KAZN: variants seen among roughly 807,000 people sequenced by gnomAD.
The protein encoded by KAZN is kazrin.
Under a neutral mutation model 87.4 loss-of-function variants are expected in KAZN, and 40 were observed. That is an observed-to-expected ratio of 0.46 (90% CI 0.36 to 0.60). The LOEUF is 0.60. KAZN is among the 20% of genes least tolerant of loss of function. The pLI is 0.00. For missense variants in KAZN, 898 were observed against 1,073.9 expected (o/e 0.84, Z 2.29); for synonymous variants, 466 against 458.3 (o/e 1.02, Z -0.22).
chr1:15,071,321 G>A (rs930195619), intron 8 of KAZN, among the ~76,000 whole-genome samples: 1 of 151,750 alleles, frequency 6.6e-6, no homozygotes, highest in African/African-American at 2.4e-5. Flanking sequence ...GCGCGATCTC[G>A]GCTCACTGCA....
intron 8 of KAZN, chr1:15,067,446 G>T (rs1181231859): frequency 1.0e-6 from 1 of 985,342 alleles, no homozygotes; most frequent in East Asian, 1.1e-4. Context: ...GAGGATGTGT[G>T]AGCTGTTCAG....
chr1:14,482,704 G>A (rs1669147427), intron 2 of KAZN, among the ~76,000 whole-genome samples: 1 of 152,110 alleles, frequency 6.6e-6, no homozygotes, highest in African/African-American at 2.4e-5. Context: ...CCCTGTGGTA[G>A]AGATTCAGGA....
chr1:13,933,611 G>A (rs12032457), intron 1 of KAZN, among the ~76,000 whole-genome samples: 2,488 of 152,294 alleles, frequency 0.016, 64 homozygotes, highest in African/African-American at 0.055. Context: ...AGACCTTGTG[G>A]GCATAGCTAT....
chr1:15,055,972 A>G (rs1456223955), intron 4 of KAZN, 119 bp from the exon 5 acceptor site: 17 of 965,142 alleles, frequency 1.8e-5, no homozygotes, highest in Non-Finnish European at 2.7e-5. Context: ...ATGCCGAGCC[A>G]GCAATACCCG....
intron 2 of KAZN, among the ~76,000 whole-genome samples, chr1:14,328,452 C>G (rs1005888056): frequency 6.6e-6 from 1 of 151,956 alleles, no homozygotes; most frequent in African/African-American, 2.4e-5. Context: ...GCCTGTAATC[C>G]CAACAGTTTG....
chr1:14,570,959 T>G (rs1571956741), intron 2 of KAZN, among the ~76,000 whole-genome samples: 1 of 152,162 alleles, frequency 6.6e-6, no homozygotes. Flanking sequence ...CTACCTGAAT[T>G]TCTCATCTGC....
intron 1 of KAZN, among the ~76,000 whole-genome samples, chr1:14,639,726 T>G (rs1680278000): frequency 1.3e-5 from 2 of 152,174 alleles, no homozygotes; most frequent in Admixed American, 1.3e-4. Flanking sequence ...GACTTGTAGA[T>G]GGACTGCAGT....
chr1:14,946,342 CTT>C (rs61663690), intron 1 of KAZN, among the ~76,000 whole-genome samples: 15,494 of 136,766 alleles, frequency 0.11, 2,697 homozygotes, highest in African/African-American at 0.39. Flanking sequence ...TTAATTCTCT[CTT>C]TTTTTTTTTT....
chr1:14,886,978 T>C (rs759790845), intron 1 of KAZN, among the ~76,000 whole-genome samples: 2 of 152,208 alleles, frequency 1.3e-5, no homozygotes, highest in Non-Finnish European at 2.9e-5. Flanking sequence ...TAGGTTCTCA[T>C]AAATACTTGT....
chr1:14,251,326 C>A (rs2100613399), intron 2 of KAZN, among the ~76,000 whole-genome samples: 1 of 152,296 alleles, frequency 6.6e-6, no homozygotes, highest in South Asian at 2.1e-4. Flanking sequence ...AGAAAGCTCT[C>A]AACCATTCCC....
intron 2 of KAZN, among the ~76,000 whole-genome samples, chr1:14,537,286 G>T (rs1032837039): frequency 6.6e-6 from 1 of 152,120 alleles, no homozygotes; most frequent in Non-Finnish European, 1.5e-5. Context: ...CCAGCAAAAC[G>T]TTGAGCAATG....
chr1:14,119,147 C>T (rs183782286), intron 1 of KAZN, among the ~76,000 whole-genome samples: 1 of 152,260 alleles, frequency 6.6e-6, no homozygotes, highest in Non-Finnish European at 1.5e-5. Context: ...TCAGCTCTAA[C>T]CCCTTTTTAA....
At chr1:14,639,095 C>T (rs972622181) in intron 1 of KAZN, among the ~76,000 whole-genome samples, 9 of 152,112 alleles carry the variant, frequency 5.9e-5, no homozygotes, top group East Asian at 1.9e-4. Context: ...TCTTTTCTTC[C>T]GTGCACCCTT....
chr1:14,749,118 G>T (rs927043410), intron 1 of KAZN, among the ~76,000 whole-genome samples: 1 of 152,138 alleles, frequency 6.6e-6, no homozygotes, highest in African/African-American at 2.4e-5. Flanking sequence ...ATAAATAAAC[G>T]TGGTCCACAT....
intron 1 of KAZN, among the ~76,000 whole-genome samples, chr1:13,978,731 A>G (rs1349574900): frequency 6.6e-6 from 1 of 152,154 alleles, no homozygotes; most frequent in African/African-American, 2.4e-5. Flanking sequence ...AGAGCTTAAG[A>G]GACAGGTAAG....
intron 1 of KAZN, among the ~76,000 whole-genome samples, chr1:13,932,361 T>G (rs12036453): frequency 1.4e-5 from 2 of 147,644 alleles, no homozygotes; most frequent in Non-Finnish European, 3.0e-5. Flanking sequence ...CCCGGGTTCA[T>G]GCCATTCTCC....
At chr1:14,598,480 C>G (rs1037400335), upstream of KAZN, among the ~76,000 whole-genome samples, 1 of 152,116 alleles carries the variant, frequency 6.6e-6, no homozygotes, top group African/African-American at 2.4e-5. This position sits in a 1 kb window ranked among gnomAD's most constrained non-coding sequence, Gnocchi z 4.2. Context: ...GGCCTCGGTC[C>G]AGGCGACCCC....
intron 2 of KAZN, among the ~76,000 whole-genome samples, chr1:14,448,739 A>G (rs1667114707): frequency 1.3e-5 from 2 of 152,196 alleles, no homozygotes; most frequent in South Asian, 4.1e-4. Context: ...GAGTTGGGCG[A>G]GGGCAGGCAC....
At chr1:14,076,072 G>A (rs1198903166) in intron 1 of KAZN, among the ~76,000 whole-genome samples, 2 of 152,110 alleles carry the variant, frequency 1.3e-5, no homozygotes, top group Non-Finnish European at 2.9e-5. Flanking sequence ...ACGAGATCAG[G>A]AGATTGAGAC....
Sources: gnomAD v4.1 joint callset for allele counts (sites outside exome capture counted in the v4.1 genomes callset) on GRCh38, gnomAD v4.1.1 for gene constraint, Gnocchi (gnomAD v3.1) non-coding constraint, MANE v1.5 for transcripts, NCBI Gene and HGNC (gene_info 2026-07-23, HGNC 2026-07-21) for gene names.